Variants in NRXN3 observed in about 807,000 individuals in gnomAD.
NRXN3 encodes the protein neurexin III.
Under a neutral mutation model 137.6 loss-of-function variants are expected in NRXN3, and 32 were observed. That is an observed-to-expected ratio of 0.23 (90% CI 0.18 to 0.31). NRXN3 has a LOEUF of 0.31. Among genes scored for constraint, NRXN3 ranks in the 10% least tolerant of loss-of-function variants. NRXN3 has a pLI of 1.00. For missense variants in NRXN3, 1,574 were observed against 2,062.5 expected, an observed-to-expected ratio of 0.76 and a Z score of 4.59; for synonymous variants, 798 against 784.5, an observed-to-expected ratio of 1.02 and a Z score of -0.29.
At chr14:78,189,975 A>T (rs555915545) in intron 1 of NRXN3, among the ~76,000 whole-genome samples, 11 of 152,224 alleles carry the variant, frequency 7.2e-5, no homozygotes, top group Admixed American at 7.2e-4. Context: ...CCTTGCCACC[A>T]TCTGACGTGT....
chr14:78,807,277 G>T (rs1045918793), intron 9 of NRXN3, among the ~76,000 whole-genome samples: 2 of 152,224 alleles, frequency 1.3e-5, no homozygotes, highest in African/African-American at 2.4e-5. Flanking sequence ...AGACTCTGAG[G>T]GAGTGGCATG....
intron 4 of NRXN3, among the ~76,000 whole-genome samples, chr14:78,334,838 G>A (rs562903833): frequency 4.6e-5 from 7 of 152,236 alleles, no homozygotes; most frequent in Admixed American, 1.3e-4. Flanking sequence ...TAGAAAAGCT[G>A]CCTTTTTAAT....
chr14:78,237,975 G>A (rs1180145620), intron 1 of NRXN3, among the ~76,000 whole-genome samples: 1 of 152,138 alleles, frequency 6.6e-6, no homozygotes, highest in African/African-American at 2.4e-5. Flanking sequence ...AAACCCACTT[G>A]TAGACAGTCC....
chr14:78,556,616 C>G (rs2096739081), intron 4 of NRXN3, among the ~76,000 whole-genome samples: 1 of 152,140 alleles, frequency 6.6e-6, no homozygotes, highest in Non-Finnish European at 1.5e-5. Flanking sequence ...ACATCATTTC[C>G]ATGCACCTGC....
chr14:79,693,947 A>G (rs1391451190), intron 18 of NRXN3, among the ~76,000 whole-genome samples: 1 of 152,004 alleles, frequency 6.6e-6, no homozygotes, highest in African/African-American at 2.4e-5. Context: ...GGTGAGTAAC[A>G]TCTATGCATT....
At chr14:78,409,284 A>G (rs538626355) in intron 4 of NRXN3, among the ~76,000 whole-genome samples, 41 of 144,156 alleles carry the variant, frequency 2.8e-4, no homozygotes, top group African/African-American at 9.9e-4. Flanking sequence ...TCATTGCATT[A>G]TCACAACAAG....
At chr14:79,799,812 G>A (rs1010482803) in intron 19 of NRXN3, among the ~76,000 whole-genome samples, 14 of 152,150 alleles carry the variant, frequency 9.2e-5, no homozygotes, top group Admixed American at 3.3e-4. Context: ...CAGAGCATTC[G>A]GTTTACTACA....
chr14:78,856,116 C>T (rs1206693492), intron 10 of NRXN3, among the ~76,000 whole-genome samples: 1 of 152,174 alleles, frequency 6.6e-6, no homozygotes, highest in African/African-American at 2.4e-5. Flanking sequence ...CTGTGTAAAA[C>T]ACTCCAACCT....
At chr14:79,134,845 C>T (rs956243780) in intron 15 of NRXN3, among the ~76,000 whole-genome samples, 1 of 152,148 alleles carries the variant, frequency 6.6e-6, no homozygotes, top group Non-Finnish European at 1.5e-5. Flanking sequence ...GACTGATTCT[C>T]TATTGTAGCT....
rs1054703568 is a variant in NRXN3, at chr14:79,687,207, A to C, written c.3617-4966A>C. ...AGGCACTTTATAAATACAAGATATT[A>C]GTTTTTTGCTGAGATCCATCTATCA... On this transcript the variant is annotated intron_variant, in intron 17 of 20. Transcript: ENST00000335750. Among the ~76,000 whole-genome samples, 6 of 152,310 alleles carry C rather than the reference A, an allele frequency of 3.9e-5. No homozygotes were observed. The East Asian group carries it at 5.8e-4, about 15-fold the overall frequency.
intron 16 of NRXN3, among the ~76,000 whole-genome samples, chr14:79,617,985 A>G (rs2098179839): frequency 6.7e-6 from 1 of 149,260 alleles, no homozygotes; most frequent in African/African-American, 2.5e-5. Context: ...GCTTAGGAAG[A>G]GAAAGAAAAT....
intron 17 of NRXN3, among the ~76,000 whole-genome samples, chr14:79,689,671 T>C (rs531116475): frequency 1.5e-3 from 235 of 152,244 alleles, no homozygotes; most frequent in African/African-American, 5.3e-3. Flanking sequence ...GGTTGAATCA[T>C]GACCATGCTG....
chr14:79,669,607 T>C (rs538579966), intron 17 of NRXN3, among the ~76,000 whole-genome samples: 1 of 152,198 alleles, frequency 6.6e-6, no homozygotes, highest in South Asian at 2.1e-4. Context: ...CATATTTGTG[T>C]AAAGCAATGG....
chr14:79,623,181 A>G (rs1176332403), intron 16 of NRXN3, among the ~76,000 whole-genome samples: 2 of 152,182 alleles, frequency 1.3e-5, no homozygotes, highest in East Asian at 3.9e-4. Context: ...CCATCAACTC[A>G]TCATCCCCAT....
At chr14:79,111,936 A>G (rs917083331) in intron 15 of NRXN3, among the ~76,000 whole-genome samples, 1 of 152,170 alleles carries the variant, frequency 6.6e-6, no homozygotes, top group African/African-American at 2.4e-5. Flanking sequence ...CCTGTTATCC[A>G]TAATAGGAAA....
intron 6 of NRXN3, among the ~76,000 whole-genome samples, chr14:78,687,054 G>T (rs950852473): frequency 6.6e-6 from 1 of 152,136 alleles, no homozygotes; most frequent in African/African-American, 2.4e-5. Context: ...TTTAGAAATG[G>T]GAATTGATAG....
intron 16 of NRXN3, among the ~76,000 whole-genome samples, chr14:79,533,541 C>A (rs1295670836): frequency 6.6e-6 from 1 of 152,158 alleles, no homozygotes; most frequent in East Asian, 1.9e-4. Flanking sequence ...TAAAAAACAT[C>A]ATCTGCTCTG....
At chr14:79,023,311 G>A (rs1163270158) in intron 15 of NRXN3, among the ~76,000 whole-genome samples, 3 of 151,952 alleles carry the variant, frequency 2.0e-5, no homozygotes, top group African/African-American at 7.3e-5. Flanking sequence ...ATACAGAGAT[G>A]AGCACAACAG....
intron 4 of NRXN3, among the ~76,000 whole-genome samples, chr14:78,556,670 C>G: frequency 6.6e-6 from 1 of 152,098 alleles, no homozygotes; most frequent in Non-Finnish European, 1.5e-5. Flanking sequence ...GGGAGTGTGC[C>G]TTGTGTATAA....
Sources: allele counts gnomAD v4.1 joint callset (sites outside exome capture counted in the v4.1 genomes callset), GRCh38; gene constraint gnomAD v4.1.1; transcripts MANE v1.5; gene names NCBI Gene and HGNC (gene_info 2026-07-23, HGNC 2026-07-21).